Variants in TMEM132D observed in about 807,000 individuals in gnomAD.
TMEM132D encodes the protein transmembrane protein 132D, also known as mature OL transmembrane protein.
TMEM132D carries 21 observed loss-of-function variants against 62.3 expected under a neutral mutation model. The ratio of observed to expected loss-of-function variants is 0.34; its 90% CI spans 0.24 to 0.49. TMEM132D has a LOEUF of 0.49. Ranked by LOEUF, TMEM132D falls within the 20% of genes least tolerant of loss-of-function variation. The probability of loss-of-function intolerance (pLI) is 0.99; values close to 1 mark genes in which losing one functional copy is unlikely to be tolerated. For synonymous variants in TMEM132D, 621 were observed against 575.6 expected, an observed-to-expected ratio of 1.08 and a Z score of -1.13; for missense variants, 1,346 against 1,402.8, an observed-to-expected ratio of 0.96 and a Z score of 0.65.
chr12:129,317,411 T>C (rs1868523322), intron 4 of TMEM132D, among the ~76,000 whole-genome samples: 1 of 152,212 alleles, frequency 6.6e-6, no homozygotes, highest in African/African-American at 2.4e-5. Flanking sequence ...TGCTTAGTTT[T>C]CCTGGATACA....
At chr12:129,356,936 G>GGAGGGGAGGA (rs1566043657) in intron 3 of TMEM132D, among the ~76,000 whole-genome samples, 7 of 121,812 alleles carry the variant, frequency 5.7e-5, no homozygotes, top group African/African-American at 2.6e-4. Flanking sequence ...AGAGGAGAGG[G>GGAGGGGAGGA]GAGGGGAGGG....
At chr12:129,257,352 G>A (rs954446506) in intron 4 of TMEM132D, among the ~76,000 whole-genome samples, 31 of 151,782 alleles carry the variant, frequency 2.0e-4, no homozygotes, top group East Asian at 3.9e-4. Context: ...GACTACAGGC[G>A]CCCGCCACCA....
At position 129,602,536 on chromosome 12, in the gene TMEM132D, C is replaced by A. The variant is rs137984907; in HGVS notation, c.969-71331G>T. On this transcript the variant is annotated intron_variant, in intron 2 of 8. Transcript: ENST00000422113. The stretch of plus-strand genomic sequence containing the variant: ...TGAACTGAAGATAGTAGATTTATAC[C>A]TATCCCATCCAACTCCGGTGGCAGA... Among the ~76,000 whole-genome samples the A allele has an allele frequency of 8.5e-5, 13 of 152,160 alleles. No homozygotes were observed. The East Asian group carries it at 2.1e-3, about 25-fold the overall frequency.
chr12:129,512,259 T>C (rs1245711380), intron 3 of TMEM132D, among the ~76,000 whole-genome samples: 1 of 152,204 alleles, frequency 6.6e-6, no homozygotes, highest in Non-Finnish European at 1.5e-5. Context: ...GCAACAGGAT[T>C]GGCCCAGGGA....
intron 3 of TMEM132D, among the ~76,000 whole-genome samples, chr12:129,394,858 G>A (rs978165860): frequency 6.6e-6 from 1 of 152,186 alleles, no homozygotes; most frequent in Non-Finnish European, 1.5e-5. Flanking sequence ...AAAAGCTCAC[G>A]GGAATCTTTT....
intron 3 of TMEM132D, among the ~76,000 whole-genome samples, chr12:129,415,649 G>A (rs939185587): frequency 2.0e-5 from 3 of 152,146 alleles, no homozygotes; most frequent in African/African-American, 7.2e-5. Context: ...CATCCCATCT[G>A]CTCAGGTCAG....
intron 5 of TMEM132D, among the ~76,000 whole-genome samples, chr12:129,149,774 C>A (rs1322957288): frequency 2.0e-5 from 3 of 152,196 alleles, no homozygotes; most frequent in Non-Finnish European, 4.4e-5. Flanking sequence ...TGGGAGCCAA[C>A]CACAGTGGGT....
intron 2 of TMEM132D, among the ~76,000 whole-genome samples, chr12:129,587,862 C>T (rs897625522): frequency 1.7e-4 from 26 of 152,244 alleles, no homozygotes; most frequent in East Asian, 3.9e-4. Flanking sequence ...AAAATAAAAT[C>T]GCACGCATGG....
chr12:129,874,389 G>A (rs1274630503), intron 1 of TMEM132D, among the ~76,000 whole-genome samples: 1 of 151,932 alleles, frequency 6.6e-6, no homozygotes, highest in Non-Finnish European at 1.5e-5. Context: ...CAGCCTGGGT[G>A]ACAGAGCGAG....
intron 5 of TMEM132D, among the ~76,000 whole-genome samples, chr12:129,098,993 C>T (rs1875202545): frequency 6.6e-6 from 1 of 152,166 alleles, no homozygotes; most frequent in South Asian, 2.1e-4. Flanking sequence ...ACAATGGCCT[C>T]TGGTGCCTTC....
At chr12:129,271,386 T>C (rs917937332) in intron 4 of TMEM132D, among the ~76,000 whole-genome samples, 2 of 151,806 alleles carry the variant, frequency 1.3e-5, no homozygotes, top group African/African-American at 2.4e-5. Context: ...TTTTCTTTTT[T>C]CTTTTTGATT....
chr12:129,673,866 G>A (rs1273022536), intron 2 of TMEM132D, among the ~76,000 whole-genome samples: 1 of 152,200 alleles, frequency 6.6e-6, no homozygotes, highest in Admixed American at 6.5e-5. Flanking sequence ...TAAAATGGAT[G>A]TTAACTAAAA....
At position 129,273,323 on chromosome 12, in the gene TMEM132D, G is replaced by T. The variant is rs558366339; in HGVS notation, c.1300-63660C>A. Among the ~76,000 whole-genome samples the T allele has an allele frequency of 3.3e-5, 5 of 150,880 alleles. No individual in the cohort carries two copies. The South Asian group carries it at 8.3e-4, about 25-fold the overall frequency. On this transcript the variant is annotated intron_variant, in intron 4 of 8. Coordinates refer to ENST00000422113, the MANE Select transcript of TMEM132D (RefSeq NM_133448.3). Reference sequence around the variant, plus strand: ...GTCAATTAATTTGTCAAGCACTGTGGAAAGAAGTTTGAAGATTTCTCAAAG... The same window carrying T: ...GTCAATTAATTTGTCAAGCACTGTGTAAAGAAGTTTGAAGATTTCTCAAAG...
intron 2 of TMEM132D, among the ~76,000 whole-genome samples, chr12:129,649,982 C>A (rs1466605715): frequency 6.6e-6 from 1 of 151,574 alleles, no homozygotes; most frequent in African/African-American, 2.4e-5. Context: ...CACCCATATA[C>A]CTAATACTCA....
chr12:129,297,317 T>A (rs1325887888), intron 4 of TMEM132D, among the ~76,000 whole-genome samples: 1 of 152,152 alleles, frequency 6.6e-6, no homozygotes, highest in African/African-American at 2.4e-5. Context: ...CCTTCCCGAG[T>A]GATTTTGGCC....
intron 4 of TMEM132D, among the ~76,000 whole-genome samples, chr12:129,233,838 G>A (rs993048229): frequency 4.6e-5 from 7 of 151,328 alleles, no homozygotes; most frequent in African/African-American, 1.7e-4. Context: ...ACACGATTGG[G>A]TCTCTGTTTT....
chr12:129,252,472 G>A (rs144151212), intron 4 of TMEM132D, among the ~76,000 whole-genome samples: 1 of 152,292 alleles, frequency 6.6e-6, no homozygotes, highest in East Asian at 1.9e-4. Flanking sequence ...GTGAAGCCAG[G>A]AAGATAAGAC....
intron 3 of TMEM132D, among the ~76,000 whole-genome samples, chr12:129,440,538 G>A (rs1872909416): frequency 6.6e-6 from 1 of 152,160 alleles, no homozygotes; most frequent in Non-Finnish European, 1.5e-5. Flanking sequence ...TGACCTAAGA[G>A]CAGAATACAC....
chr12:129,154,069 A>G (rs1449129198), intron 5 of TMEM132D, among the ~76,000 whole-genome samples: 1 of 152,206 alleles, frequency 6.6e-6, no homozygotes, highest in Non-Finnish European at 1.5e-5. Context: ...TTTGTGACAC[A>G]GGCGTTTCAT....
Sources: gnomAD v4.1 joint callset for allele counts (sites outside exome capture counted in the v4.1 genomes callset) on GRCh38, gnomAD v4.1.1 for gene constraint, MANE v1.5 for transcripts, NCBI Gene and HGNC (gene_info 2026-07-23, HGNC 2026-07-21) for gene names.